The following SALL1 variants were observed in gnomAD, a reference collection of about 807,000 sequenced individuals.
SALL1 encodes spalt like transcription factor 1.
A neutral mutation model predicts 73.1 loss-of-function variants in SALL1; 10 were observed. The ratio of observed to expected loss-of-function variants is 0.14; its 90% CI spans 0.08 to 0.23. SALL1 has a LOEUF of 0.23. SALL1 is among the 10% of genes least tolerant of loss of function. SALL1 has a pLI of 1.00. For synonymous variants in SALL1, 688 were observed against 689.8 expected (o/e 1.00, Z 0.04); for missense variants, 1,520 against 1,697.3 (o/e 0.90, Z 1.84).
At chr16:51,146,496 G>A (rs1408917148) in intron 1 of SALL1, among the ~76,000 whole-genome samples, 3 of 152,204 alleles carry the variant, frequency 2.0e-5, no homozygotes, top group Non-Finnish European at 4.4e-5. Flanking sequence ...AAAGGCACAA[G>A]AAACTAAATC....
chr16:51,141,834 G>GGGC lies in SALL1; in HGVS notation c.385_387dup (p.Ala129dup). 1.2e-6 allele frequency: 2 copies of GGGC among 1,613,836 alleles called. No individual in the cohort carries two copies. Among genetic ancestry groups the GGGC allele is most frequent in the Non-Finnish European group, 1.7e-6 (2 of 1,180,020 alleles). ...CCGCTGCCGCTTTTGTTAGCAACCG[G>GGGC]GGCCTCCACCTCCATGGACTCTTCC... On this transcript the variant is annotated inframe_insertion, in exon 2 of 3. Transcript: ENST00000251020. This position sits in a 1 kb window ranked among gnomAD's most constrained non-coding sequence, Gnocchi z 5.4.
rs765733999 is a variant in SALL1 at position 51,141,976 on chromosome 16, G to A, written c.246C>T (p.Pro82=). ...GAGGGGGGCTGGGGGAGAAGGTTTC[G>A]GGTGGGGAGGCTGGATTTTCATTTA... ...LIVNENPASP[P]ETFSPSPPPD... Residue 82 remains proline (P), a synonymous_variant, in exon 2 of 3, where the codon CCC becomes CCT. Transcript: ENST00000251020. The surrounding 1 kb of genome is among the most constrained non-coding windows in gnomAD (Gnocchi z 5.4). 3.2e-5 allele frequency: 51 copies of A among 1,613,854 alleles called. No individual in the cohort carries two copies. The highest frequency in any genetic ancestry group is 4.5e-5 in the East Asian group (2 of 44,898).
At position 51,139,947 on chromosome 16, in the gene SALL1, T is replaced by C. The variant is rs544777749; in HGVS notation, c.2275A>G (p.Met759Val). Reference protein sequence around the residue: ...LKTHYSVHRAMPPLRVQHSCP... With the variant: ...LKTHYSVHRAVPPLRVQHSCP... ...GAATGCTGGACTCTGAGCGGGGGCA[T>C]AGCACGATGGACACTGTAGTGGGTT... The change falls in exon 2 of 3, where the codon ATG (methionine) becomes GTG (valine). Residue 759 changes from methionine (M) to valine (V), a missense_variant. By Grantham distance (21) the Met-to-Val change is conservative. Around this residue, in one of 7 missense-constraint regions of SALL1, gnomAD observed 77 missense variants for 117.2 expected, o/e 0.66. Transcript: ENST00000251020. The C allele has an allele frequency of 1.5e-5, 25 of 1,614,154 alleles. No individual in the cohort carries two copies. The East Asian group carries it at 4.9e-4, about 32-fold the overall frequency.
rs758316437 is a variant in SALL1, at chr16:51,141,308, C to T, written c.914G>A (p.Ser305Asn). The change falls in exon 2 of 3, where the codon AGC becomes AAC. Residue 305 changes from serine to asparagine, a missense_variant. Physicochemically the swap from Ser to Asn is conservative, Grantham distance 46. Around this residue, in one of 7 missense-constraint regions of SALL1, gnomAD observed 540 missense variants for 567.5 expected, o/e 0.95. Transcript: ENST00000251020. The surrounding 1 kb of genome is among the most constrained non-coding windows in gnomAD (Gnocchi z 5.4). ...AAAGLAQSLASQSASISGVKQ... is the reference protein window; with the variant it reads ...AAAGLAQSLANQSASISGVKQ... Reference sequence around the variant, plus strand: ...CACACCACTAATGCTGGCAGATTGGCTGGCGAGGCTCTGTGCCAATCCAGC... The same window carrying T: ...CACACCACTAATGCTGGCAGATTGGTTGGCGAGGCTCTGTGCCAATCCAGC... 1.2e-6 allele frequency: 2 copies of T among 1,613,884 alleles called. No homozygotes were observed. The highest frequency in any genetic ancestry group is 1.1e-5 in the South Asian group (1 of 91,068).
intron 1 of SALL1, among the ~76,000 whole-genome samples, chr16:51,146,469 A>G (rs554920399): frequency 6.6e-6 from 1 of 152,290 alleles, no homozygotes; most frequent in Admixed American, 6.5e-5. Context: ...CTAAACTTTG[A>G]CTACATAAAC....
chr16:51,139,988 G>A lies in SALL1; in HGVS notation c.2234C>T (p.Thr745Met), dbSNP rs1962387939. The A allele has an allele frequency of 7.4e-6, 12 of 1,614,092 alleles. No individual in the cohort carries two copies. The highest frequency in any genetic ancestry group is 3.3e-5 in the Admixed American group (2 of 59,996). The part of the protein sequence containing the change: ...KCKICGRAFT[T>M]KGNLKTHYSV... ...GTAGTGGGTTTTAAGATTCCCTTTCGTGGTGAAAGCCCGGCCACAGATCTT... is the reference window on the plus strand; with the variant it reads ...GTAGTGGGTTTTAAGATTCCCTTTCATGGTGAAAGCCCGGCCACAGATCTT... The change falls in exon 2 of 3, where the codon ACG becomes ATG. Residue 745 changes from threonine (T) to methionine (M), a missense_variant. By Grantham distance (81) the Thr-to-Met change is moderately conservative. Around this residue, in one of 7 missense-constraint regions of SALL1, gnomAD observed 77 missense variants for 117.2 expected, o/e 0.66. Coordinates refer to ENST00000251020, the MANE Select transcript of SALL1 (RefSeq NM_002968.3).
chr16:51,137,596 G>C, intron 2 of SALL1, 44 bp from the exon 3 acceptor site: 1 of 1,331,278 alleles, frequency 7.5e-7, no homozygotes, highest in Non-Finnish European at 1.1e-6. Flanking sequence ...GAGAGAGAGA[G>C]AAAAAAAAGA....
chr16:51,139,720 C>G lies in SALL1; in HGVS notation c.2502G>C (p.Glu834Asp), dbSNP rs1049938650. Residue 834 changes from glutamate to aspartate, a missense_variant, in exon 2 of 3, where the codon GAG (glutamate) becomes GAC (aspartate). Transcript: ENST00000251020. ...FSDENMEDCPEGSIPDTPKSA... is the reference protein window; with the variant it reads ...FSDENMEDCPDGSIPDTPKSA... ...ACTTAGGTGTATCAGGGATGCTGCC[C>G]TCAGGACAGTCTTCCATGTTTTCAT... The G allele has an allele frequency of 6.2e-7, 1 of 1,614,122 alleles. No individual in the cohort carries two copies. Among genetic ancestry groups the G allele is most frequent in the African/African-American group, 1.3e-5 (1 of 74,940 alleles).
chr16:51,138,857 A>G lies in SALL1; in HGVS notation c.3365T>C (p.Leu1122Pro), dbSNP rs769399017. The G allele has an allele frequency of 6.2e-7, 1 of 1,614,242 alleles. No homozygotes were observed. The highest frequency in any genetic ancestry group is 1.7e-5 in the Admixed American group (1 of 60,024). ...PLSSSATSPV[L>P]LPALPRRTPK... ...AGTTCTCCTGGGCAGAGCAGGGAGC[A>G]GAACTGGGGATGTGGCAGAGGAAGA... The change falls in exon 2 of 3, where the codon CTG (leucine) becomes CCG (proline). Residue 1122 changes from leucine to proline, a missense_variant. Around this residue, in one of 7 missense-constraint regions of SALL1, gnomAD observed 318 missense variants for 357.1 expected, o/e 0.89. Transcript: ENST00000251020.
In SALL1 at chr16:51,139,841, G is replaced by C. The variant is rs1962384051; in HGVS notation, c.2381C>G (p.Pro794Arg). The C allele has an allele frequency of 1.2e-6, 2 of 1,614,048 alleles. No homozygotes were observed. The highest frequency in any genetic ancestry group is 2.7e-5 in the African/African-American group (2 of 74,902). The part of the protein sequence containing the change: ...HIRMHMGGQI[P>R]NTPVPDSYSE... Reference sequence around the variant, plus strand: ...GTAGCTGTCGGGGACTGGGGTGTTGGGGATCTGGCCTCCCATATGCATTCG... The same window carrying C: ...GTAGCTGTCGGGGACTGGGGTGTTGCGGATCTGGCCTCCCATATGCATTCG... Residue 794 changes from proline to arginine, a missense_variant, in exon 2 of 3, where the codon CCC becomes CGC. Coordinates refer to ENST00000251020, the MANE Select transcript of SALL1 (RefSeq NM_002968.3).
rs1301570235 is a variant in SALL1 at position 51,142,120 on chromosome 16, A to T, written c.102T>A (p.Ser34Arg). ...RDGDTEKGQPSRPTKSKDAHV... is the reference protein window; with the variant it reads ...RDGDTEKGQPRRPTKSKDAHV... ...GGGCATCCTTGCTCTTAGTAGGGCGACTCGGTTGACCCTTTTCTGTGTCTC... is the reference window on the plus strand; with the variant it reads ...GGGCATCCTTGCTCTTAGTAGGGCGTCTCGGTTGACCCTTTTCTGTGTCTC... Residue 34 changes from serine to arginine, a missense_variant, in exon 2 of 3, where the codon AGT (serine) becomes AGA (arginine). Around this residue, in one of 7 missense-constraint regions of SALL1, gnomAD observed 540 missense variants for 567.5 expected, o/e 0.95. Coordinates refer to ENST00000251020, the MANE Select transcript of SALL1 (RefSeq NM_002968.3). The T allele has an allele frequency of 5.6e-6, 9 of 1,613,050 alleles. No individual in the cohort carries two copies. Among genetic ancestry groups the T allele is most frequent in the African/African-American group, 4.0e-5 (3 of 74,762 alleles).
At chr16:51,143,429 CTG>C (rs1567317283) in intron 1 of SALL1, 1 of 227,378 alleles carries the variant, frequency 4.4e-6, no homozygotes. Flanking sequence ...AAAAAAAAAA[CTG>C]TTTAATTCAA....
At chr16:51,145,578 C>A (rs940704100) in intron 1 of SALL1, among the ~76,000 whole-genome samples, 11 of 152,210 alleles carry the variant, frequency 7.2e-5, no homozygotes, top group African/African-American at 9.6e-5. Context: ...ACTAAAATCC[C>A]AGATGCTTTA....
At position 51,141,001 on chromosome 16, in the gene SALL1, G is replaced by A; in HGVS notation, c.1221C>T (p.Pro407=). 6.2e-7 allele frequency: 1 copy of A among 1,614,234 alleles called. No homozygotes were observed. Among genetic ancestry groups the A allele is most frequent in the Non-Finnish European group, 8.5e-7 (1 of 1,180,050 alleles). ...SANSVFPSPL[P]NIGTTAEDLN... ...AATCCTCTGCAGTTGTTCCGATGTT[G>A]GGCAAAGGGCTGGGGAAAACCGAGT... The change falls in exon 2 of 3, where the codon CCC becomes CCT. Residue 407 remains proline, a synonymous_variant. Transcript: ENST00000251020. This position sits in a 1 kb window ranked among gnomAD's most constrained non-coding sequence, Gnocchi z 5.4.
chr16:51,141,744 C>CGCTGCCGCT lies in SALL1; in HGVS notation c.477_478insAGCGGCAGC (p.Ser159_Gly160insSerGlySer). 1 of 1,579,896 alleles carries CGCTGCCGCT rather than the reference C, an allele frequency of 6.3e-7. No homozygotes were observed. Among genetic ancestry groups the CGCTGCCGCT allele is most frequent in the South Asian group, 1.1e-5 (1 of 88,716 alleles). ...CCTGTGGAGGAGCTGCCGCCGCCGC[C>CGCTGCCGCT]GCTGCTGCTGCTGCTGCTGCTGCTG... On this transcript the variant is annotated inframe_insertion, in exon 2 of 3. Coordinates refer to ENST00000251020, the MANE Select transcript of SALL1 (RefSeq NM_002968.3). The surrounding 1 kb of genome is among the most constrained non-coding windows in gnomAD (Gnocchi z 5.4).
At chr16:51,145,033 C>T (rs4420526) in intron 1 of SALL1, among the ~76,000 whole-genome samples, 150,467 of 151,888 alleles carry the variant, frequency 0.99, 74,553 homozygotes, top group East Asian at 1. Context: ...CGCTACACTG[C>T]AATAATTCTT....
chr16:51,140,306 C>G lies in SALL1; in HGVS notation c.1916G>C (p.Ser639Thr). 1 of 1,614,152 alleles carries G rather than the reference C, an allele frequency of 6.2e-7. No individual in the cohort carries two copies. Reference protein sequence around the residue: ...MVTNSVPTASSSVLSSPAADC... With the variant: ...MVTNSVPTASTSVLSSPAADC... ...TGCCGCTGGGGAGCTCAGGACGCTA[C>G]TGCTCGCCGTCGGGACTGAGTTGGT... Residue 639 changes from serine to threonine, a missense_variant, in exon 2 of 3, where the codon AGT (serine) becomes ACT (threonine). Transcript: ENST00000251020. This position sits in a 1 kb window ranked among gnomAD's most constrained non-coding sequence, Gnocchi z 5.7.
rs931050690 is a variant in SALL1, at chr16:51,139,718, C to T, written c.2504G>A (p.Gly835Asp). 11 of 1,614,102 alleles carry T rather than the reference C, an allele frequency of 6.8e-6. No homozygotes were observed. The Admixed American group carries it at 1.0e-4, about 15-fold the overall frequency. ...AGACTTAGGTGTATCAGGGATGCTGCCCTCAGGACAGTCTTCCATGTTTTC... is the reference window on the plus strand; with the variant it reads ...AGACTTAGGTGTATCAGGGATGCTGTCCTCAGGACAGTCTTCCATGTTTTC... ...SDENMEDCPE[G>D]SIPDTPKSAD... The change falls in exon 2 of 3, where the codon GGC becomes GAC. Residue 835 changes from glycine to aspartate, a missense_variant. By Grantham distance (94) the Gly-to-Asp change is moderately conservative. Transcript: ENST00000251020.
At chr16:51,144,968 C>T (rs1013615224) in intron 1 of SALL1, among the ~76,000 whole-genome samples, 20 of 151,974 alleles carry the variant, frequency 1.3e-4, no homozygotes, top group Non-Finnish European at 2.5e-4. Flanking sequence ...TTTATGAACA[C>T]CCCCACATCC....
Sources: gnomAD v4.1 joint callset for allele counts (sites outside exome capture counted in the v4.1 genomes callset) on GRCh38, gnomAD v4.1.1 for gene constraint, gnomAD v4.1.1 regional missense constraint, Gnocchi (gnomAD v3.1) non-coding constraint, MANE v1.5 for transcripts, NCBI Gene and HGNC (gene_info 2026-07-23, HGNC 2026-07-21) for gene names.